The following ADAMTSL1 variants were observed in gnomAD, a reference collection of about 807,000 sequenced individuals.
The protein encoded by ADAMTSL1 is ADAMTS like 1, also known as ADAMTS-like protein 1.
ADAMTSL1 carries 126 observed loss-of-function variants against 201.8 expected under a neutral mutation model. The ratio of observed to expected loss-of-function variants is 0.62; its 90% CI spans 0.54 to 0.72. ADAMTSL1 has a LOEUF of 0.72. ADAMTSL1 is among the 30% of genes least tolerant of loss of function. The pLI is 0.00. For synonymous variants in ADAMTSL1, 1,121 were observed against 903.4 expected (o/e 1.24, Z -4.32); for missense variants, 2,679 against 2,277.8 (o/e 1.18, Z -3.59).
At chr9:18,574,538 G>A (rs1207547514) in intron 4 of ADAMTSL1, 18 of 561,582 alleles carry the variant, frequency 3.2e-5, no homozygotes, top group Non-Finnish European at 5.6e-5. Context: ...TATCAATTAT[G>A]TACTAGACTT....
At chr9:18,140,342 T>A (rs1238400308) in intron 1 of ADAMTSL1, among the ~76,000 whole-genome samples, 1 of 152,122 alleles carries the variant, frequency 6.6e-6, no homozygotes, top group Non-Finnish European at 1.5e-5. Context: ...GTCATACTCA[T>A]GGCTATGATA....
intron 2 of ADAMTSL1, among the ~76,000 whole-genome samples, chr9:18,379,050 A>C (rs1837432639): frequency 6.6e-6 from 1 of 152,196 alleles, no homozygotes. Flanking sequence ...GGGAGCCTCT[A>C]CTTTTTTCTG....
chr9:18,415,610 G>A (rs1481321756), intron 2 of ADAMTSL1, among the ~76,000 whole-genome samples: 2 of 151,680 alleles, frequency 1.3e-5, no homozygotes, highest in Non-Finnish European at 2.9e-5. Context: ...GTTGGGAGGG[G>A]GTACAGAGAA....
chr9:18,212,284 G>A (rs1198500865), intron 2 of ADAMTSL1, among the ~76,000 whole-genome samples: 1 of 152,116 alleles, frequency 6.6e-6, no homozygotes, highest in African/African-American at 2.4e-5. Context: ...GAAGATTGAC[G>A]TGTTTATGAA....
intron 2 of ADAMTSL1, among the ~76,000 whole-genome samples, chr9:18,439,832 A>G (rs1004111651): frequency 5.3e-5 from 8 of 152,332 alleles, no homozygotes; most frequent in African/African-American, 1.9e-4. Flanking sequence ...TCATCTTCAT[A>G]CAGCCGTTTG....
intron 4 of ADAMTSL1, among the ~76,000 whole-genome samples, chr9:18,615,604 C>T (rs925209503): frequency 2.6e-5 from 4 of 152,134 alleles, no homozygotes; most frequent in African/African-American, 7.2e-5. Context: ...TTATGTTATT[C>T]ACCAGCTATG....
At chr9:18,621,554 T>C (rs1319967272) in intron 4 of ADAMTSL1, among the ~76,000 whole-genome samples, 2 of 100,434 alleles carry the variant, frequency 2.0e-5, no homozygotes, top group African/African-American at 3.6e-5. Context: ...AACCGTCCTC[T>C]TCCACACACA....
chr9:18,306,030 T>A (rs1314994956), intron 2 of ADAMTSL1, among the ~76,000 whole-genome samples: 1 of 152,158 alleles, frequency 6.6e-6, no homozygotes, highest in Non-Finnish European at 1.5e-5. Flanking sequence ...CAATTTTTAC[T>A]GTTCTGTAGC....
chr9:18,504,748 T>A, intron 1 of ADAMTSL1, 81 bp from the exon 2 acceptor site: 1 of 1,602,032 alleles, frequency 6.2e-7, no homozygotes, highest in Non-Finnish European at 8.5e-7. Context: ...TACACACACG[T>A]ACAGGCCAGT....
chr9:18,633,155 G>T (rs184566729), intron 5 of ADAMTSL1, among the ~76,000 whole-genome samples: 2 of 152,320 alleles, frequency 1.3e-5, no homozygotes, highest in East Asian at 3.9e-4. Flanking sequence ...CAAACAGAAA[G>T]CTTTCCTTTT....
chr9:18,442,581 T>A (rs1261776092), intron 2 of ADAMTSL1, among the ~76,000 whole-genome samples: 1 of 152,220 alleles, frequency 6.6e-6, no homozygotes, highest in Non-Finnish European at 1.5e-5. Flanking sequence ...AGTTGTATAT[T>A]TCTTTAATAT....
chr9:18,186,053 T>G (rs1356340654), intron 2 of ADAMTSL1, among the ~76,000 whole-genome samples: 1 of 152,200 alleles, frequency 6.6e-6, no homozygotes, highest in East Asian at 1.9e-4. Flanking sequence ...GTAAATATTT[T>G]AAGTTATGAT....
chr9:18,063,960 C>T (rs1330856584), intron 1 of ADAMTSL1, among the ~76,000 whole-genome samples: 1 of 152,168 alleles, frequency 6.6e-6, no homozygotes, highest in East Asian at 1.9e-4. Flanking sequence ...CCACAGGACT[C>T]ACATTTTATC....
chr9:18,093,619 G>A (rs1285018080), intron 1 of ADAMTSL1, among the ~76,000 whole-genome samples: 1 of 152,056 alleles, frequency 6.6e-6, no homozygotes, highest in Non-Finnish European at 1.5e-5. Context: ...TTATTACTTA[G>A]AGTTACAGAC....
At chr9:18,269,098 AT>A (rs1446115254) in intron 2 of ADAMTSL1, among the ~76,000 whole-genome samples, 1 of 152,108 alleles carries the variant, frequency 6.6e-6, no homozygotes, top group Admixed American at 6.6e-5. Flanking sequence ...ATATATGTTA[AT>A]TTTTAGTAAG....
At chr9:18,035,465 C>T (rs1411395320) in intron 1 of ADAMTSL1, among the ~76,000 whole-genome samples, 1 of 152,040 alleles carries the variant, frequency 6.6e-6, no homozygotes, top group Non-Finnish European at 1.5e-5. Flanking sequence ...ATCAGTTATC[C>T]CAGGGAAAGC....
intron 20 of ADAMTSL1, among the ~76,000 whole-genome samples, chr9:18,804,931 G>A (rs1028521448): frequency 6.6e-6 from 1 of 152,166 alleles, no homozygotes; most frequent in Non-Finnish European, 1.5e-5. Flanking sequence ...TTAAAAATGT[G>A]TTAAATTTAT....
At chr9:18,002,558 C>T (rs1051426854) in intron 1 of ADAMTSL1, among the ~76,000 whole-genome samples, 1 of 151,986 alleles carries the variant, frequency 6.6e-6, no homozygotes, top group Admixed American at 6.6e-5. Flanking sequence ...TTATAATATA[C>T]ATGATCTCAT....
intron 1 of ADAMTSL1, among the ~76,000 whole-genome samples, chr9:18,476,660 T>C (rs1265230765): frequency 6.6e-6 from 1 of 151,308 alleles, no homozygotes; most frequent in East Asian, 1.9e-4. Context: ...GGGGCTTGTT[T>C]TTCCTATAGT....
Sources: gnomAD v4.1 joint callset for allele counts (sites outside exome capture counted in the v4.1 genomes callset) on GRCh38, gnomAD v4.1.1 for gene constraint, MANE v1.5 for transcripts, NCBI Gene and HGNC (gene_info 2026-07-23, HGNC 2026-07-21) for gene names.